Variants in KIAA1328 observed in about 807,000 individuals in gnomAD.
KIAA1328 encodes protein hinderin.
A neutral mutation model predicts 68.1 loss-of-function variants in KIAA1328; 52 were observed. The ratio of observed to expected loss-of-function variants is 0.76; its 90% CI spans 0.61 to 0.96. The LOEUF (loss-of-function observed/expected upper bound fraction) is 0.96, where lower values mean the gene tolerates loss of function less well. Ranked by LOEUF, KIAA1328 falls within the 40% of genes least tolerant of loss-of-function variation. The probability of loss-of-function intolerance (pLI) is 0.00; values close to 1 mark genes in which losing one functional copy is unlikely to be tolerated. For missense variants in KIAA1328, 641 were observed against 677.6 expected (o/e 0.95, Z 0.60); for synonymous variants, 232 against 239.4 (o/e 0.97, Z 0.28).
chr18:36,851,313 C>T (rs532533592), intron 4 of KIAA1328, among the ~76,000 whole-genome samples: 2 of 152,126 alleles, frequency 1.3e-5, no homozygotes, highest in East Asian at 1.9e-4. Context: ...CAGGTAATGC[C>T]GGCCTCATAA....
intron 9 of KIAA1328, among the ~76,000 whole-genome samples, chr18:37,176,642 G>C (rs1385339860): frequency 6.6e-6 from 1 of 152,140 alleles, no homozygotes; most frequent in Non-Finnish European, 1.5e-5. Flanking sequence ...CACTCCACCT[G>C]GAAAGAGGAG....
chr18:37,052,910 C>T (rs1400197603), intron 6 of KIAA1328, among the ~76,000 whole-genome samples: 1 of 152,116 alleles, frequency 6.6e-6, no homozygotes, highest in Non-Finnish European at 1.5e-5. Context: ...TTAAAATGAC[C>T]ATACTGCCCA....
At chr18:36,916,207 TTA>T (rs35995627) in intron 5 of KIAA1328, among the ~76,000 whole-genome samples, 1 of 151,384 alleles carries the variant, frequency 6.6e-6, no homozygotes, top group Non-Finnish European at 1.5e-5. Flanking sequence ...GGATTCCAAT[TTA>T]TATATATATG....
intron 5 of KIAA1328, among the ~76,000 whole-genome samples, chr18:36,959,081 T>C (rs981778538): frequency 2.0e-5 from 3 of 152,186 alleles, no homozygotes; most frequent in Admixed American, 6.5e-5. Flanking sequence ...GAGGAATAAA[T>C]TTATTTTCAA....
intron 5 of KIAA1328, among the ~76,000 whole-genome samples, chr18:36,957,811 A>G (rs1052022456): frequency 1.3e-5 from 2 of 152,182 alleles, no homozygotes; most frequent in Non-Finnish European, 2.9e-5. Flanking sequence ...TATTGTGTGT[A>G]ATTCATGTAA....
intron 4 of KIAA1328, among the ~76,000 whole-genome samples, chr18:36,856,886 A>G (rs1482800430): frequency 3.3e-5 from 5 of 152,062 alleles, no homozygotes; most frequent in Non-Finnish European, 5.9e-5. Flanking sequence ...TTTCCAGGCT[A>G]TTTTTACAAA....
At chr18:36,868,790 T>C (rs1388264159) in intron 4 of KIAA1328, among the ~76,000 whole-genome samples, 1 of 152,224 alleles carries the variant, frequency 6.6e-6, no homozygotes, top group Admixed American at 6.5e-5. Context: ...ATGGTTCTTT[T>C]TTAGACCCAG....
intron 9 of KIAA1328, among the ~76,000 whole-genome samples, chr18:37,201,405 T>C (rs1208276631): frequency 2.0e-5 from 3 of 152,184 alleles, no homozygotes; most frequent in Non-Finnish European, 4.4e-5. Context: ...TCAGTCTAAA[T>C]TGTAGAAAAA....
intron 7 of KIAA1328, among the ~76,000 whole-genome samples, chr18:37,113,402 C>T (rs1010117846): frequency 2.6e-5 from 4 of 152,126 alleles, no homozygotes; most frequent in Admixed American, 1.3e-4. Flanking sequence ...CATATCCAGC[C>T]AAACTAAGCT....
intron 5 of KIAA1328, among the ~76,000 whole-genome samples, chr18:36,899,538 T>C (rs968811003): frequency 2.6e-5 from 4 of 151,846 alleles, no homozygotes; most frequent in African/African-American, 7.2e-5. Flanking sequence ...TGAATAAGCA[T>C]GTGAGCTAAA....
chr18:37,082,111 T>C (rs2056967258), intron 7 of KIAA1328, among the ~76,000 whole-genome samples: 2 of 151,708 alleles, frequency 1.3e-5, no homozygotes, highest in Non-Finnish European at 2.9e-5. Context: ...TTTATATATA[T>C]ATACTTTTAA....
intron 4 of KIAA1328, among the ~76,000 whole-genome samples, chr18:36,857,814 A>G (rs1288598226): frequency 6.6e-6 from 1 of 152,182 alleles, no homozygotes; most frequent in African/African-American, 2.4e-5. Flanking sequence ...ATTTTCCAGA[A>G]AACTTTTTAA....
rs754131999 is a variant in KIAA1328, at chr18:37,224,800, G to T, written c.*2573G>T. The T allele has an allele frequency of 3.0e-6, 3 of 985,378 alleles. No individual in the cohort carries two copies. Among genetic ancestry groups the T allele is most frequent in the African/African-American group, 3.5e-5 (2 of 57,316 alleles). The allele number at this position is 985,378 out of a possible 1,614,324, so 61.0% of individuals were successfully genotyped here. A position where few individuals can be genotyped will look rare whatever the true frequency, so the allele number is the denominator to read the frequency against. ...ACTGGACACATGCCGAGGGCGTTGC[G>T]GATAGTGCCTCACCATTGCCCACCC... On this transcript the variant is annotated 3_prime_UTR_variant, in exon 10 of 10. Transcript: ENST00000280020.
chr18:37,018,112 A>G (rs1290228904), intron 6 of KIAA1328, among the ~76,000 whole-genome samples: 1 of 151,938 alleles, frequency 6.6e-6, no homozygotes, highest in Non-Finnish European at 1.5e-5. Context: ...TTTTGTTTCC[A>G]TACTTAGAAC....
intron 4 of KIAA1328, among the ~76,000 whole-genome samples, chr18:36,856,962 C>G (rs564997452): frequency 6.6e-6 from 1 of 152,228 alleles, no homozygotes; most frequent in South Asian, 2.1e-4. Flanking sequence ...AGTGACTTGA[C>G]CTTGAACCAC....
intron 6 of KIAA1328, among the ~76,000 whole-genome samples, chr18:36,992,476 T>G (rs1030495978): frequency 1.5e-5 from 2 of 131,188 alleles, no homozygotes; most frequent in African/African-American, 5.5e-5. Flanking sequence ...TTTTTTTTTT[T>G]GCTATATGTG....
chr18:37,164,784 G>A (rs2059352848), intron 8 of KIAA1328, among the ~76,000 whole-genome samples: 1 of 152,212 alleles, frequency 6.6e-6, no homozygotes, highest in African/African-American at 2.4e-5. Context: ...TGCCTTAGGA[G>A]TCAAGAAAAT....
rs202040575 is a variant in KIAA1328, at chr18:37,037,830, T to TG, written c.577-29059dup. ...AGAAAAGGGAAGATGGGCCAGGCAC[T>TG]GTGGCTCACACCTGTAATCCCAGCA... On this transcript the variant is annotated intron_variant, in intron 6 of 9. Coordinates refer to ENST00000280020, the MANE Select transcript of KIAA1328 (RefSeq NM_020776.3). 5.1e-3 allele frequency among the ~76,000 whole-genome samples: 754 copies of TG among 148,060 alleles called. 2 individuals carry two copies. The highest frequency in any genetic ancestry group is 7.9e-3 in the Admixed American group (118 of 14,956).
chr18:37,106,362 T>G (rs886971843), intron 7 of KIAA1328, among the ~76,000 whole-genome samples: 14 of 152,242 alleles, frequency 9.2e-5, no homozygotes, highest in African/African-American at 3.4e-4. Flanking sequence ...ATGAAGTTTC[T>G]TTTAGGGGCA....
Sources: gnomAD v4.1 joint callset for allele counts (sites outside exome capture counted in the v4.1 genomes callset) on GRCh38, gnomAD v4.1.1 for gene constraint, MANE v1.5 for transcripts, NCBI Gene and HGNC (gene_info 2026-07-23, HGNC 2026-07-21) for gene names.